LRRC28: variants seen among roughly 807,000 people sequenced by gnomAD.
LRRC28 encodes leucine-rich repeat-containing protein 28.
Under a neutral mutation model 45.7 loss-of-function variants are expected in LRRC28, and 39 were observed. The ratio of observed to expected loss-of-function variants is 0.85; its 90% CI spans 0.66 to 1.12. The LOEUF (loss-of-function observed/expected upper bound fraction) is 1.12, where lower values mean the gene tolerates loss of function less well. Among genes scored for constraint, LRRC28 ranks in the 50% most tolerant of loss-of-function variants. The pLI, the probability that LRRC28 is intolerant of heterozygous loss-of-function variation, is 0.00. For missense variants in LRRC28, 435 were observed against 438.5 expected, an observed-to-expected ratio of 0.99 and a Z score of 0.07; for synonymous variants, 206 against 178.8, an observed-to-expected ratio of 1.15 and a Z score of -1.22.
intron 9 of LRRC28, chr15:99,384,353 A>C (rs1957919198): frequency 6.6e-6 from 1 of 152,182 alleles, no homozygotes; most frequent in South Asian, 2.1e-4. Context: ...CTCCCATATC[A>C]AGTCTCAAGT....
intron 3 of LRRC28, chr15:99,286,886 A>G (rs1438332419): frequency 6.0e-6 from 1 of 166,846 alleles, no homozygotes; most frequent in African/African-American, 2.4e-5. Context: ...CCTTTACACA[A>G]TAGGTGTTGA....
intron 5 of LRRC28, among the ~76,000 whole-genome samples, chr15:99,317,943 G>A (rs747091654): frequency 6.6e-5 from 10 of 152,254 alleles, no homozygotes; most frequent in South Asian, 6.2e-4. Flanking sequence ...CAAAAGATTG[G>A]TAGAACACAA....
chr15:99,253,227 T>A (rs1001255237), intron 1 of LRRC28, among the ~76,000 whole-genome samples: 1 of 151,890 alleles, frequency 6.6e-6, no homozygotes, highest in African/African-American at 2.4e-5. Flanking sequence ...TTCAAGAGAT[T>A]CTCCTGCCTC....
chr15:99,255,974 G>A lies in LRRC28; in HGVS notation c.17G>A (p.Cys6Tyr), dbSNP rs372200769. The A allele has an allele frequency of 3.7e-6, 6 of 1,612,274 alleles. No individual in the cohort carries two copies. In the African/African-American group the frequency reaches 8.0e-5, roughly 22 times the overall value. Reference protein sequence around the residue: MASELCKTISVARLEK... With the variant: MASELYKTISVARLEK... ...TATTCAGTCATGGCGTCCGAACTTT[G>A]TAAGACGATCTCTGTGGCAAGGCTA... The change falls in exon 2 of 10, where the codon TGT becomes TAT. Residue 6 changes from cysteine to tyrosine, a missense_variant. By Grantham distance (194) the Cys-to-Tyr change is radical. Coordinates refer to ENST00000301981, the MANE Select transcript of LRRC28 (RefSeq NM_144598.5).
chr15:99,296,088 C>G (rs12906516), intron 5 of LRRC28, among the ~76,000 whole-genome samples: 1 of 152,130 alleles, frequency 6.6e-6, no homozygotes, highest in Non-Finnish European at 1.5e-5. Context: ...AGGGCTTCTG[C>G]TGTTGCTTAC....
chr15:99,308,578 G>C (rs767097204), intron 5 of LRRC28, among the ~76,000 whole-genome samples: 3 of 152,108 alleles, frequency 2.0e-5, no homozygotes, highest in Non-Finnish European at 4.4e-5. Context: ...AGGCTGAGGT[G>C]GGGGGATTGC....
intron 2 of LRRC28, among the ~76,000 whole-genome samples, chr15:99,256,676 A>C (rs1044690127): frequency 6.6e-6 from 1 of 152,228 alleles, no homozygotes; most frequent in African/African-American, 2.4e-5. Context: ...GCTAGCATAC[A>C]ATTTTTTGGA....
intron 5 of LRRC28, among the ~76,000 whole-genome samples, chr15:99,297,622 A>G (rs941945278): frequency 2.0e-5 from 3 of 151,438 alleles, no homozygotes; most frequent in African/African-American, 4.8e-5. Context: ...TGTAATGGAT[A>G]TAGTACTTTA....
chr15:99,323,094 T>G (rs1955854898), intron 5 of LRRC28, among the ~76,000 whole-genome samples: 1 of 152,228 alleles, frequency 6.6e-6, no homozygotes, highest in African/African-American at 2.4e-5. Context: ...TTCCCACCTT[T>G]TAAAATAATG....
At chr15:99,329,995 T>G (rs1327692919) in intron 5 of LRRC28, among the ~76,000 whole-genome samples, 2 of 152,246 alleles carry the variant, frequency 1.3e-5, no homozygotes, top group African/African-American at 4.8e-5. Context: ...CCTATTTTAT[T>G]GCGTAAAGTG....
At chr15:99,330,612 C>T (rs1956129861) in intron 5 of LRRC28, among the ~76,000 whole-genome samples, 2 of 151,880 alleles carry the variant, frequency 1.3e-5, no homozygotes, top group African/African-American at 2.4e-5. Flanking sequence ...CTATTTGTGC[C>T]TTTGAATCTA....
chr15:99,357,332 AT>A (rs1024738187), intron 7 of LRRC28, among the ~76,000 whole-genome samples: 40 of 152,204 alleles, frequency 2.6e-4, no homozygotes, highest in African/African-American at 9.4e-4. Context: ...CAAATACACA[AT>A]TTTTATGGAG....
chr15:99,347,700 C>T (rs1217470543), intron 6 of LRRC28, among the ~76,000 whole-genome samples: 1 of 152,128 alleles, frequency 6.6e-6, no homozygotes, highest in Non-Finnish European at 1.5e-5. Context: ...ACATTGTTTC[C>T]ATATCTTGGA....
intron 3 of LRRC28, among the ~76,000 whole-genome samples, chr15:99,279,235 T>C (rs544549266): frequency 1.3e-5 from 2 of 152,250 alleles, no homozygotes; most frequent in Non-Finnish European, 2.9e-5. Flanking sequence ...TCAGAATTAA[T>C]TCCTTTTTAT....
At chr15:99,375,818 C>G (rs974317506) in intron 9 of LRRC28, among the ~76,000 whole-genome samples, 2 of 151,946 alleles carry the variant, frequency 1.3e-5, no homozygotes. Flanking sequence ...ATATCACCTC[C>G]TTCATTTTTA....
intron 9 of LRRC28, among the ~76,000 whole-genome samples, chr15:99,373,536 T>G (rs1194161101): frequency 6.6e-6 from 1 of 152,198 alleles, no homozygotes; most frequent in Non-Finnish European, 1.5e-5. Context: ...AACAATGCAA[T>G]TATACAATTT....
At chr15:99,256,932 T>G (rs1383755638) in intron 2 of LRRC28, among the ~76,000 whole-genome samples, 1 of 152,246 alleles carries the variant, frequency 6.6e-6, no homozygotes, top group African/African-American at 2.4e-5. Context: ...TGTACTTGAA[T>G]TCTAGTGCTT....
rs544323790 is a variant in LRRC28 at position 99,254,675 on chromosome 15, T to C, written c.-60-1223T>C. On this transcript the variant is annotated intron_variant, in intron 1 of 9. Coordinates refer to ENST00000301981, the MANE Select transcript of LRRC28 (RefSeq NM_144598.5). ...ACCTGGTATCAAACCCTTGCTTTTA[T>C]CCCTTGTGAACGGTCTAACCTTGGA... Among the ~76,000 whole-genome samples the C allele has an allele frequency of 2.6e-5, 4 of 152,232 alleles. No individual in the cohort carries two copies. In the East Asian group the frequency reaches 7.7e-4, roughly 29 times the overall value.
Position 99,256,010 on chromosome 15 carries a change from A to G in LRRC28, c.53A>G (p.Lys18Arg). The G allele has an allele frequency of 1.9e-6, 3 of 1,613,484 alleles. No individual in the cohort carries two copies. Among genetic ancestry groups the G allele is most frequent in the Non-Finnish European group, 2.5e-6 (3 of 1,180,008 alleles). Residue 18 changes from lysine to arginine, a missense_variant, in exon 2 of 10, where the codon AAG (lysine) becomes AGG (arginine). Transcript: ENST00000301981. ...TISVARLEKH[K>R]NLFLNYRNLH... is the part of the protein sequence containing the mutation. ...TCTGTGGCAAGGCTAGAAAAGCACA[A>G]GAATTTGTTCTTAAATTATAGGAAT... is the stretch of plus-strand genomic sequence containing the variant.
Sources: gnomAD v4.1 joint callset for allele counts (sites outside exome capture counted in the v4.1 genomes callset) on GRCh38, gnomAD v4.1.1 for gene constraint, MANE v1.5 for transcripts, NCBI Gene and HGNC (gene_info 2026-07-23, HGNC 2026-07-21) for gene names.